The following SLITRK5 variants were observed in gnomAD, a reference collection of about 807,000 sequenced individuals.
The protein encoded by SLITRK5 is SLIT and NTRK-like protein 5.
Under a neutral mutation model 56.2 loss-of-function variants are expected in SLITRK5, and 23 were observed. The observed-to-expected ratio is 0.41, with a 90% CI of 0.29 to 0.58. The LOEUF (loss-of-function observed/expected upper bound fraction) is 0.58, where lower values mean the gene tolerates loss of function less well. Ranked by LOEUF, SLITRK5 falls within the 20% of genes least tolerant of loss-of-function variation. The probability of loss-of-function intolerance (pLI) is 0.30; values close to 1 mark genes in which losing one functional copy is unlikely to be tolerated. For missense variants in SLITRK5, 1,289 were observed against 1,226.6 expected (o/e 1.05, Z -0.76); for synonymous variants, 637 against 531.8 (o/e 1.20, Z -2.72).
At chr13:87,673,592 A>C in intron 1 of SLITRK5, 8 of 1,136,032 alleles carry the variant, frequency 7.0e-6, no homozygotes, top group Non-Finnish European at 5.9e-6. Context: ...TTTTGCTTTC[A>C]CTGGGGTGGG....
Position 87,675,373 on chromosome 13 carries a change from C to T in SLITRK5, c.-8-8C>T, listed in dbSNP as rs762338390. The T allele has an allele frequency of 1.1e-5, 17 of 1,605,196 alleles. No homozygotes were observed. The Admixed American group carries it at 2.7e-4, about 25-fold the overall frequency. ...CTGTTATTTCCTTGTTTTCTCTCTC[C>T]CTTACAGGAGGTAAAATGCACACTT... On this transcript the variant is annotated splice_region_variant and splice_polypyrimidine_tract_variant and intron_variant, in intron 1 of 1. Coordinates refer to ENST00000683689, the MANE Select transcript of SLITRK5 (RefSeq NM_001384609.1).
At position 87,671,940 on chromosome 13, in the gene SLITRK5, C is replaced by T. The variant is rs1877047733; in HGVS notation, c.-278C>T. Among the ~76,000 whole-genome samples the T allele has an allele frequency of 6.6e-6, 1 of 152,130 alleles. No homozygotes were observed. Among genetic ancestry groups the T allele is most frequent in the Non-Finnish European group, 1.5e-5 (1 of 68,028 alleles). On this transcript the variant is annotated 5_prime_UTR_variant, in exon 1 of 2. Coordinates refer to ENST00000683689, the MANE Select transcript of SLITRK5 (RefSeq NM_001384609.1). ...GAGGGGCCGGTGCCACCTTTGCTCG[C>T]CCCCTCACTACCATGTACAGTGTGC... is the stretch of plus-strand genomic sequence containing the variant.
chr13:87,673,598 G>A (rs749387757), intron 1 of SLITRK5: 3 of 1,087,098 alleles, frequency 2.8e-6, no homozygotes, highest in African/African-American at 1.6e-5. Context: ...TTTCACTGGG[G>A]TGGGGATGTT....
At position 87,677,211 on chromosome 13, in the gene SLITRK5, C is replaced by T; in HGVS notation, c.1823C>T (p.Ser608Leu). The T allele has an allele frequency of 2.5e-6, 4 of 1,614,158 alleles. No homozygotes were observed. Among genetic ancestry groups the T allele is most frequent in the East Asian group, 4.5e-5 (2 of 44,860 alleles). ...GAGACCGACATGCGCTCCATTAAGT[C>T]GGAGCTGCTGTGCCCTGACTATTCA... is the stretch of plus-strand genomic sequence containing the variant. The part of the protein sequence containing the change: ...FAETDMRSIK[S>L]ELLCPDYSDV... Residue 608 changes from serine to leucine, a missense_variant, in exon 2 of 2, where the codon TCG (serine) becomes TTG (leucine). Around this residue, in one of 3 missense-constraint regions of SLITRK5, gnomAD observed 985 missense variants for 906.0 expected, o/e 1.09. Coordinates refer to ENST00000683689, the MANE Select transcript of SLITRK5 (RefSeq NM_001384609.1). The surrounding 1 kb of genome is among the most constrained non-coding windows in gnomAD (Gnocchi z 4.7).
rs146241606 is a variant in SLITRK5 at position 87,677,213 on chromosome 13, G to A, written c.1825G>A (p.Glu609Lys). ...GACCGACATGCGCTCCATTAAGTCG[G>A]AGCTGCTGTGCCCTGACTATTCAGA... Reference protein sequence around the residue: ...AETDMRSIKSELLCPDYSDVV... With the variant: ...AETDMRSIKSKLLCPDYSDVV... Residue 609 changes from glutamate to lysine, a missense_variant, in exon 2 of 2, where the codon GAG (glutamate) becomes AAG (lysine). Physicochemically the swap from Glu to Lys is moderately conservative, Grantham distance 56 (BLOSUM62 1). Around this residue, in one of 3 missense-constraint regions of SLITRK5, gnomAD observed 985 missense variants for 906.0 expected, o/e 1.09. Coordinates refer to ENST00000683689, the MANE Select transcript of SLITRK5 (RefSeq NM_001384609.1). The surrounding 1 kb of genome is among the most constrained non-coding windows in gnomAD (Gnocchi z 4.7). 8.6e-4 allele frequency: 1,387 copies of A among 1,614,176 alleles called. 1 individual carries two copies. The highest frequency in any genetic ancestry group is 4.1e-3 in the Middle Eastern group (25 of 6,062).
At chr13:87,672,885 G>A (rs911369731) in intron 1 of SLITRK5, 1 of 160,118 alleles carries the variant, frequency 6.2e-6, no homozygotes, top group Admixed American at 6.0e-5. Flanking sequence ...GTGTGTGTGT[G>A]TGTGTGTGTG....
intron 1 of SLITRK5, 67 bp from the exon 2 acceptor site, chr13:87,675,314 C>A: frequency 1.7e-6 from 2 of 1,160,036 alleles, no homozygotes; most frequent in Non-Finnish European, 2.5e-6. Flanking sequence ...AAGAGAGAGA[C>A]TTTCTGACTG....
Position 87,676,555 on chromosome 13 carries a change from C to G in SLITRK5, c.1167C>G (p.Leu389=). ...SCNLQISDLG[L]NVNCQERKIE... is the part of the protein sequence containing the mutation. ...ACCTGCAGATCTCTGATCTGGGCCT[C>G]AACGTAAACTGCCAGGAGCGAAAGA... Residue 389 remains leucine, a synonymous_variant, in exon 2 of 2, where the codon CTC becomes CTG. Transcript: ENST00000683689. 6.2e-7 allele frequency: 1 copy of G among 1,614,102 alleles called. No individual in the cohort carries two copies.
intron 1 of SLITRK5, chr13:87,673,547 T>C: frequency 7.8e-7 from 1 of 1,282,100 alleles, no homozygotes; most frequent in Non-Finnish European, 1.0e-6. Flanking sequence ...TGTGCGGATT[T>C]GATCCAGCGG....
intron 1 of SLITRK5, among the ~76,000 whole-genome samples, chr13:87,674,007 AACACACACACACAC>A (rs71101016): frequency 7.7e-5 from 11 of 142,612 alleles, no homozygotes; most frequent in African/African-American, 2.8e-4. Flanking sequence ...CGCACACACA[AACACACACACACAC>A]ACACACACAC....
Position 87,676,364 on chromosome 13 carries a change from C to T in SLITRK5, c.976C>T (p.Pro326Ser), listed in dbSNP as rs1473886214. Residue 326 changes from proline (P) to serine (S), a missense_variant, in exon 2 of 2, where the codon CCC becomes TCC. Pro to Ser is a moderately conservative substitution (Grantham distance 74). Around this residue, in one of 3 missense-constraint regions of SLITRK5, gnomAD observed 985 missense variants for 906.0 expected, o/e 1.09. Transcript: ENST00000683689. ...CACTTCTTCCTCTGCTGTTTACAAA[C>T]CCCCTTTGAAGCCCCCTAAGGGGAC... ...VATSSSAVYK[P>S]PLKPPKGTRQ... 4 of 1,614,002 alleles carry T rather than the reference C, an allele frequency of 2.5e-6. No individual in the cohort carries two copies. The East Asian group carries it at 8.9e-5, about 36-fold the overall frequency.
intron 1 of SLITRK5, among the ~76,000 whole-genome samples, chr13:87,673,779 C>T (rs1877149689): frequency 1.3e-5 from 2 of 152,024 alleles, no homozygotes; most frequent in Admixed American, 1.3e-4. Flanking sequence ...CGTTTAATAA[C>T]GCGGGCTGGA....
Position 87,677,763 on chromosome 13 carries a change from T to C in SLITRK5, c.2375T>C (p.Leu792Pro), listed in dbSNP as rs1297306970. The change falls in exon 2 of 2, where the codon CTG becomes CCG. Residue 792 changes from leucine to proline, a missense_variant. Leu to Pro is a moderately conservative substitution (Grantham distance 98, BLOSUM62 -3). This residue lies in a region of SLITRK5 where 985 missense variants were observed against 906.0 expected (regional missense o/e 1.09). Transcript: ENST00000683689. This position sits in a 1 kb window ranked among gnomAD's most constrained non-coding sequence, Gnocchi z 4.7. ...GTCACCTACAGCAGCAACCACCACCTGCAGCAGCAGCAGCAGCCGCCGCCG... is the reference window on the plus strand; with the variant it reads ...GTCACCTACAGCAGCAACCACCACCCGCAGCAGCAGCAGCAGCCGCCGCCG... ...LKVTYSSNHH[L>P]QQQQQPPPPP... The C allele has an allele frequency of 6.2e-7, 1 of 1,611,864 alleles. No homozygotes were observed. Among genetic ancestry groups the C allele is most frequent in the Non-Finnish European group, 8.5e-7 (1 of 1,178,948 alleles).
rs1020713638 is a variant in SLITRK5 at position 87,673,508 on chromosome 13, G to GGGGAGGGGACCC, written c.-9+1300_-9+1311dup. The GGGGAGGGGACCC allele has an allele frequency of 1.1e-5, 14 of 1,230,370 alleles. No homozygotes were observed. In the Admixed American group the frequency reaches 2.5e-4, roughly 22 times the overall value. 76.2% of individuals were successfully genotyped at this position (1,230,370 alleles called of 1,614,324 possible). ...GGGGCGGGGAAGCACAGGGAGGGAG[G>GGGGAGGGGACCC]GGGAGGGGACCCAACCTCGCTGAAT... On this transcript the variant is annotated intron_variant, in intron 1 of 1. Coordinates refer to ENST00000683689, the MANE Select transcript of SLITRK5 (RefSeq NM_001384609.1).
intron 1 of SLITRK5, among the ~76,000 whole-genome samples, chr13:87,673,919 A>T (rs976872081): frequency 6.6e-6 from 1 of 152,166 alleles, no homozygotes; most frequent in East Asian, 1.9e-4. Flanking sequence ...TTGACCAGAG[A>T]AAAGGCATAG....
At chr13:87,674,040 A>G (rs1296589572) in intron 1 of SLITRK5, among the ~76,000 whole-genome samples, 1 of 148,764 alleles carries the variant, frequency 6.7e-6, no homozygotes, top group Non-Finnish European at 1.5e-5. Context: ...ACACACACAC[A>G]CGCTCATTCC....
At position 87,677,255 on chromosome 13, in the gene SLITRK5, C is replaced by T; in HGVS notation, c.1867C>T (p.Pro623Ser). Residue 623 changes from proline to serine, a missense_variant, in exon 2 of 2, where the codon CCC becomes TCC. Around this residue, in one of 3 missense-constraint regions of SLITRK5, gnomAD observed 985 missense variants for 906.0 expected, o/e 1.09. Coordinates refer to ENST00000683689, the MANE Select transcript of SLITRK5 (RefSeq NM_001384609.1). The surrounding 1 kb of genome is among the most constrained non-coding windows in gnomAD (Gnocchi z 4.7). The part of the protein sequence containing the change: ...PDYSDVVVST[P>S]TPSSIQVPAR... ...CTATTCAGATGTAGTAGTTTCCACG[C>T]CCACACCCTCCTCTATCCAGGTCCC... The T allele has an allele frequency of 6.2e-7, 1 of 1,614,180 alleles. No homozygotes were observed. Among genetic ancestry groups the T allele is most frequent in the Non-Finnish European group, 8.5e-7 (1 of 1,180,042 alleles).
Position 87,677,995 on chromosome 13 carries a change from C to T in SLITRK5, c.2607C>T (p.Pro869=), listed in dbSNP as rs765415638. Residue 869 remains proline (P), a synonymous_variant, in exon 2 of 2, where the codon CCC becomes CCT. Coordinates refer to ENST00000683689, the MANE Select transcript of SLITRK5 (RefSeq NM_001384609.1). The surrounding 1 kb of genome is among the most constrained non-coding windows in gnomAD (Gnocchi z 4.7). ...LEPDKHCSTT[P]AGNSLPEYPK... ...CAGACAAACACTGCTCCACCACCCC[C>T]GCCGGCAATAGCCTCCCGGAATATC... is the stretch of plus-strand genomic sequence containing the variant. 3.1e-6 allele frequency: 5 copies of T among 1,614,132 alleles called. No homozygotes were observed. The highest frequency in any genetic ancestry group is 1.1e-5 in the South Asian group (1 of 91,088).
rs1019539433 is a variant in SLITRK5 at position 87,672,198 on chromosome 13, C to T, written c.-20C>T. Among the ~76,000 whole-genome samples, 3 of 152,026 alleles carry T rather than the reference C, an allele frequency of 2.0e-5. No homozygotes were observed. Among genetic ancestry groups the T allele is most frequent in the Non-Finnish European group, 4.4e-5 (3 of 67,966 alleles). ...GGGTCGGAGAAAGTTGCCCCCTATG[C>T]AGATGGCAACTGTGAGTACCCCTGT... is the stretch of plus-strand genomic sequence containing the variant. On this transcript the variant is annotated 5_prime_UTR_variant, in exon 1 of 2. An upstream open reading frame in the 5' UTR gains an earlier in-frame stop. Transcript: ENST00000683689.
Sources: gnomAD v4.1 joint callset for allele counts (sites outside exome capture counted in the v4.1 genomes callset) on GRCh38, gnomAD v4.1.1 for gene constraint, gnomAD v4.1.1 regional missense constraint, Gnocchi (gnomAD v3.1) non-coding constraint, MANE v1.5 for transcripts, NCBI Gene and HGNC (gene_info 2026-07-23, HGNC 2026-07-21) for gene names.